The following SYDE2 variants were observed in gnomAD, a reference collection of about 807,000 sequenced individuals.
SYDE2 encodes the protein synapse defective Rho GTPase homolog 2.
In SYDE2, 76 loss-of-function variants were observed where a neutral mutation model predicts 91.5. The ratio of observed to expected loss-of-function variants is 0.83; its 90% CI spans 0.69 to 1.01. SYDE2 has a LOEUF of 1.01. Among genes scored for constraint, SYDE2 ranks in the 50% least tolerant of loss-of-function variants. SYDE2 has a pLI of 0.00. For synonymous variants in SYDE2, 513 were observed against 506.4 expected (o/e 1.01, Z -0.18); for missense variants, 1,364 against 1,367.7 (o/e 1.00, Z 0.04).
chr1:85,199,599 A>T (rs1658729652), intron 1 of SYDE2, among the ~76,000 whole-genome samples: 1 of 152,176 alleles, frequency 6.6e-6, no homozygotes, highest in Non-Finnish European at 1.5e-5. Context: ...TTGATTTTTC[A>T]CAATAAAAAG....
chr1:85,161,375 TAA>T (rs1474541931), intron 6 of SYDE2, among the ~76,000 whole-genome samples: 1 of 152,020 alleles, frequency 6.6e-6, no homozygotes, highest in Admixed American at 6.6e-5. Context: ...TAAAAAGAAA[TAA>T]GAGGAAAACT....
Position 85,182,117 on chromosome 1 carries a change from A to G in SYDE2, c.2525T>C (p.Ile842Thr), listed in dbSNP as rs1289963658. ...TAATACCTGACAGCCTCTCTTTTCA[A>G]TTTCCATAATACATTTCTGTATCAG... ...PLLIQKCIME[I>T]EKRGCQVVGL... Residue 842 changes from isoleucine to threonine, a missense_variant, in exon 3 of 7, where the codon ATT (isoleucine) becomes ACT (threonine). Ile to Thr is a moderately conservative substitution (Grantham distance 89). Coordinates refer to ENST00000341460, the MANE Select transcript of SYDE2 (RefSeq NM_032184.2). The G allele has an allele frequency of 6.3e-7, 1 of 1,587,648 alleles. No individual in the cohort carries two copies. The highest frequency in any genetic ancestry group is 1.2e-5 in the South Asian group (1 of 85,310).
intron 2 of SYDE2, among the ~76,000 whole-genome samples, chr1:85,189,702 G>A (rs1308387988): frequency 1.3e-5 from 2 of 152,144 alleles, no homozygotes; most frequent in Non-Finnish European, 2.9e-5. Context: ...TGGGCATGGT[G>A]GCACGCACCT....
At chr1:85,179,573 G>GA (rs574757613) in intron 3 of SYDE2, among the ~76,000 whole-genome samples, 70 of 152,136 alleles carry the variant, frequency 4.6e-4, no homozygotes, top group Non-Finnish European at 5.3e-4. Context: ...CAAGAAATAG[G>GA]AAAAAAATTC....
chr1:85,179,221 A>G (rs1657821918), intron 3 of SYDE2, among the ~76,000 whole-genome samples: 1 of 152,204 alleles, frequency 6.6e-6, no homozygotes, highest in Admixed American at 6.5e-5. Flanking sequence ...GAAATAAACT[A>G]TTTAAAGACA....
chr1:85,155,082 A>G (rs1333238691), downstream of SYDE2, among the ~76,000 whole-genome samples: 1 of 151,914 alleles, frequency 6.6e-6, no homozygotes, highest in African/African-American at 2.4e-5. Flanking sequence ...ATAGGAGTAC[A>G]AAGAAAATAC....
chr1:85,176,007 T>A (rs1023372550), intron 4 of SYDE2, among the ~76,000 whole-genome samples: 1 of 152,234 alleles, frequency 6.6e-6, no homozygotes, highest in Admixed American at 6.5e-5. Flanking sequence ...CATTGACCTA[T>A]TGTTCATATC....
At chr1:85,196,086 C>T (rs1035358980) in intron 1 of SYDE2, among the ~76,000 whole-genome samples, 2 of 151,924 alleles carry the variant, frequency 1.3e-5, no homozygotes, top group African/African-American at 4.8e-5. Context: ...AAGATGAGGC[C>T]AATATAGAGG....
At chr1:85,193,283 C>T (rs1658446481) in intron 1 of SYDE2, among the ~76,000 whole-genome samples, 2 of 152,342 alleles carry the variant, frequency 1.3e-5, no homozygotes, top group South Asian at 4.1e-4. Context: ...TCCAGTATTA[C>T]TTAACAGTAT....
intron 4 of SYDE2, among the ~76,000 whole-genome samples, chr1:85,175,109 T>C (rs1217526403): frequency 6.6e-6 from 1 of 152,186 alleles, no homozygotes; most frequent in Non-Finnish European, 1.5e-5. Context: ...AGTAGTTAGA[T>C]ACATGTAATC....
intron 6 of SYDE2, among the ~76,000 whole-genome samples, chr1:85,161,303 A>C (rs1409439022): frequency 6.6e-6 from 1 of 152,186 alleles, no homozygotes; most frequent in Non-Finnish European, 1.5e-5. Context: ...AGGACCTGGG[A>C]ATATAAAGTT....
chr1:85,200,416 C>T lies in SYDE2; in HGVS notation c.581G>A (p.Trp194Ter). 4 of 1,614,046 alleles carry T rather than the reference C, an allele frequency of 2.5e-6. No homozygotes were observed. The highest frequency in any genetic ancestry group is 3.4e-6 in the Non-Finnish European group (4 of 1,179,908). The stretch of plus-strand genomic sequence containing the variant: ...GGACAGCAGACGCCCTTTGTACATC[C>T]ACTTCTGCAGCTTCTTGACTGTCAC... ...PAVTVKKLQK[W>*]MYKGRLLSLG... The change falls in exon 1 of 7, where the codon TGG (tryptophan) becomes TAG (stop). Residue 194 changes from tryptophan to a stop codon, truncating the protein, a stop_gained. Transcript: ENST00000341460. LOFTEE classifies it high-confidence loss of function.
chr1:85,158,726 C>A lies in SYDE2; in HGVS notation c.*24G>T. On this transcript the variant is annotated 3_prime_UTR_variant, in exon 7 of 7. Transcript: ENST00000341460. ...CAAAAACAGATTTGAAACTTTAAGA[C>A]ATTACAAAAAAAAACCCTCAATCTC... is the stretch of plus-strand genomic sequence containing the variant. 1.4e-6 allele frequency: 1 copy of A among 701,090 alleles called. No homozygotes were observed. The highest frequency in any genetic ancestry group is 2.6e-6 in the Non-Finnish European group (1 of 386,330). The allele number at this position is 701,090 out of a possible 1,614,324, so 43.4% of individuals were successfully genotyped here.
chr1:85,184,976 T>C (rs201947572), intron 2 of SYDE2, among the ~76,000 whole-genome samples: 1 of 151,884 alleles, frequency 6.6e-6, no homozygotes. Flanking sequence ...AATTCTCTGA[T>C]CAAAAATTAT....
chr1:85,194,942 C>A (rs984862065), intron 1 of SYDE2: 1 of 462,174 alleles, frequency 2.2e-6, no homozygotes, highest in Non-Finnish European at 2.8e-6. Context: ...GGGCGGATCA[C>A]GAGGTCAGGA....
chr1:85,165,865 ATTTTTTTTTTT>A (rs529987571), intron 5 of SYDE2, among the ~76,000 whole-genome samples: 4 of 94,126 alleles, frequency 4.2e-5, no homozygotes, highest in African/African-American at 1.4e-4. Flanking sequence ...AAAAACTTTA[ATTTTTTTTTTT>A]TTTTTTTTTT....
chr1:85,174,330 A>T (rs1657610286), intron 4 of SYDE2, among the ~76,000 whole-genome samples: 1 of 152,224 alleles, frequency 6.6e-6, no homozygotes, highest in Admixed American at 6.5e-5. Context: ...ACTTGACTTT[A>T]TTGATAGTTA....
rs983367321 is a variant in SYDE2, at chr1:85,182,477, C to A, written c.2165G>T (p.Arg722Leu). ...GTGATCCATGTCTAAAAATGTTGTT[C>A]GGCATGTGAGCAAAGCTGTTCTTGC... ...NKARTALLTCRTTFLDMDHTF... is the reference protein window; with the variant it reads ...NKARTALLTCLTTFLDMDHTF... Residue 722 changes from arginine (R) to leucine (L), a missense_variant, in exon 3 of 7, where the codon CGA becomes CTA. Physicochemically the swap from Arg to Leu is moderately radical, Grantham distance 102 (BLOSUM62 -2). Coordinates refer to ENST00000341460, the MANE Select transcript of SYDE2 (RefSeq NM_032184.2). The A allele has an allele frequency of 3.1e-6, 5 of 1,613,534 alleles. No individual in the cohort carries two copies. Among genetic ancestry groups the A allele is most frequent in the Non-Finnish European group, 4.2e-6 (5 of 1,179,704 alleles).
intron 2 of SYDE2, among the ~76,000 whole-genome samples, chr1:85,186,421 T>C (rs1314609180): frequency 6.6e-6 from 1 of 152,068 alleles, no homozygotes. Flanking sequence ...GAATCCATCG[T>C]GAAAATGGCC....
Sources: allele counts gnomAD v4.1 joint callset (sites outside exome capture counted in the v4.1 genomes callset), GRCh38; gene constraint gnomAD v4.1.1; transcripts MANE v1.5; gene names NCBI Gene and HGNC (gene_info 2026-07-23, HGNC 2026-07-21).